Variants in ZBED6 observed in about 807,000 individuals in gnomAD.
ZBED6 encodes the protein zinc finger BED domain-containing protein 6.
ZBED6 carries 40 observed loss-of-function variants against 58.4 expected under a neutral mutation model. That is an observed-to-expected ratio of 0.68 (90% CI 0.53 to 0.89). ZBED6 has a LOEUF of 0.89. ZBED6 is among the 40% of genes least tolerant of loss of function. ZBED6 has a pLI of 0.00. For missense variants in ZBED6, 1,057 were observed against 1,003.9 expected (o/e 1.05, Z -0.71); for synonymous variants, 439 against 350.6 (o/e 1.25, Z -2.82).
chr1:203,835,601 C>T (rs956834187), intron 9 of ZBED6: 4 of 184,750 alleles, frequency 2.2e-5, no homozygotes, highest in Admixed American at 6.1e-5. Flanking sequence ...TGGTGTACAG[C>T]GTCACTCAGA....
intron 14 of ZBED6, 101 bp downstream of exon 14, chr1:203,850,127 A>G: frequency 6.7e-6 from 7 of 1,040,512 alleles, no homozygotes; most frequent in Non-Finnish European, 9.9e-6. Flanking sequence ...GTTGAATTTC[A>G]TTTGCCTTCT....
chr1:203,851,423 G>A (rs943439141), intron 16 of ZBED6, among the ~76,000 whole-genome samples: 6 of 152,064 alleles, frequency 3.9e-5, no homozygotes, highest in South Asian at 2.1e-4. Flanking sequence ...TCCACTTCCC[G>A]GGTTCAAGCA....
rs199808427 is a variant in ZBED6, at chr1:203,847,700, C to T, written c.*4245+13C>T. 5 of 1,609,270 alleles carry T rather than the reference C, an allele frequency of 3.1e-6. No individual in the cohort carries two copies. The highest frequency in any genetic ancestry group is 4.2e-6 in the Non-Finnish European group (5 of 1,178,732). ...ACCAAAAGAACAGGTAACAAGAGAA[C>T]TTGGTCTCTAGTACCACGTCCCCAC... is the stretch of plus-strand genomic sequence containing the variant. On this transcript the variant is annotated intron_variant, in intron 12 of 16. Coordinates refer to ENST00000550078, the Ensembl canonical transcript of ZBED6.
chr1:203,836,455 A>G (rs1434264238), intron 9 of ZBED6, among the ~76,000 whole-genome samples: 4 of 152,194 alleles, frequency 2.6e-5, no homozygotes, highest in African/African-American at 9.7e-5. Context: ...TGAACAGTGT[A>G]ATAAAACTAG....
At chr1:203,815,211 C>CTTTCTTTTTTTTTTTTTT (rs779729339) in intron 1 of ZBED6, among the ~76,000 whole-genome samples, 1 of 59,400 alleles carries the variant, frequency 1.7e-5, no homozygotes, top group Admixed American at 2.6e-4. Flanking sequence ...TCTTCCTTTT[C>CTTTCTTTTTTTTTTTTTT]TTTTCTTTTT....
At chr1:203,844,747 C>A (rs1687416743) in intron 11 of ZBED6, among the ~76,000 whole-genome samples, 1 of 152,074 alleles carries the variant, frequency 6.6e-6, no homozygotes. Context: ...TCTGGGGGCT[C>A]ATACAATTGC....
intron 3 of ZBED6, among the ~76,000 whole-genome samples, chr1:203,823,361 A>G (rs1245747712): frequency 6.6e-6 from 1 of 152,256 alleles, no homozygotes; most frequent in African/African-American, 2.4e-5. Flanking sequence ...GCAGCAATGC[A>G]TGTGTGGTAT....
At chr1:203,846,936 C>T (rs534252162) in intron 11 of ZBED6, among the ~76,000 whole-genome samples, 216 of 151,154 alleles carry the variant, frequency 1.4e-3, no homozygotes, top group Non-Finnish European at 2.5e-3. Flanking sequence ...CCCTGGGAGG[C>T]AGAGGTTGCA....
upstream of ZBED6, chr1:203,795,627 C>G (rs963267762): frequency 6.6e-6 from 1 of 152,212 alleles, no homozygotes; most frequent in African/African-American, 2.4e-5. Context: ...GGCCTTAGAG[C>G]GGAGCCTGTA....
chr1:203,819,833 C>G (rs1014561181), intron 3 of ZBED6, among the ~76,000 whole-genome samples: 1 of 150,942 alleles, frequency 6.6e-6, no homozygotes, highest in Non-Finnish European at 1.5e-5. Flanking sequence ...CGCGCCCAGC[C>G]GACTCCAGCA....
intron 1 of ZBED6, among the ~76,000 whole-genome samples, chr1:203,812,411 TA>T (rs1246265019): frequency 6.6e-6 from 1 of 152,132 alleles, no homozygotes; most frequent in Non-Finnish European, 1.5e-5. Flanking sequence ...TTGCTAAGGA[TA>T]ATAGCCTCTG....
Position 203,842,452 on chromosome 1 carries a change from G to A in ZBED6, c.*3741+2078G>A, listed in dbSNP as rs12077910. Among the ~76,000 whole-genome samples, 668 of 152,200 alleles carry A rather than the reference G, an allele frequency of 4.4e-3. 6 individuals are homozygous for A. Among genetic ancestry groups the A allele is most frequent in the African/African-American group, 0.015 (631 of 41,522 alleles). On this transcript the variant is annotated intron_variant, in intron 11 of 16. Coordinates refer to ENST00000550078, the Ensembl canonical transcript of ZBED6. Reference sequence around the variant, plus strand: ...TCTCCACCAAAACATGCAAACACCAGTCAAGTGTGGCGGCGCGCGCCTGCA... The same window carrying A: ...TCTCCACCAAAACATGCAAACACCAATCAAGTGTGGCGGCGCGCGCCTGCA...
In ZBED6 at chr1:203,819,304, C is replaced by T. The variant is rs190782204; in HGVS notation, c.*2873+615C>T. 6.8e-3 allele frequency among the ~76,000 whole-genome samples: 1,025 copies of T among 150,768 alleles called. 19 individuals carry two copies. Among genetic ancestry groups the T allele is most frequent in the African/African-American group, 0.024 (987 of 41,064 alleles). The stretch of plus-strand genomic sequence containing the variant: ...TGGCGCAATCTCTGCTTACTGCAAC[C>T]TCCACCTCCCAGGTTCAAGCGATTC... On this transcript the variant is annotated intron_variant, in intron 3 of 16. Transcript: ENST00000550078.
chr1:203,835,424 G>A (rs1376109455), intron 9 of ZBED6, among the ~76,000 whole-genome samples: 1 of 152,138 alleles, frequency 6.6e-6, no homozygotes, highest in East Asian at 1.9e-4. Context: ...TACGAAAAAA[G>A]CTTAGAAGAG....
chr1:203,838,139 T>G, intron 10 of ZBED6, 75 bp downstream of exon 10: 2 of 1,342,456 alleles, frequency 1.5e-6, no homozygotes, highest in Non-Finnish European at 2.1e-6. Flanking sequence ...ACAGCTATGG[T>G]TTTTCATTCT....
chr1:203,818,508 T>C (rs945119860), intron 2 of ZBED6, 62 bp from the exon 3 acceptor site: 2 of 1,606,958 alleles, frequency 1.2e-6, no homozygotes, highest in Non-Finnish European at 1.7e-6. Context: ...GCTCTTGTTA[T>C]GGATATTTTA....
intron 9 of ZBED6, among the ~76,000 whole-genome samples, chr1:203,836,621 C>T (rs1684423739): frequency 6.6e-6 from 1 of 152,050 alleles, no homozygotes; most frequent in South Asian, 2.1e-4. Flanking sequence ...ACTAAAAATA[C>T]AAAAATCAGC....
intron 1 of ZBED6, among the ~76,000 whole-genome samples, chr1:203,807,272 A>G (rs1672709585): frequency 6.6e-6 from 1 of 152,150 alleles, no homozygotes; most frequent in African/African-American, 2.4e-5. Context: ...CAGCTGTTTT[A>G]AACATTTTTA....
intron 3 of ZBED6, among the ~76,000 whole-genome samples, chr1:203,819,226 A>C (rs912066534): frequency 5.3e-4 from 65 of 123,806 alleles, no homozygotes; most frequent in Admixed American, 1.8e-3. Flanking sequence ...CTTTCTTTTT[A>C]TTTTTTTTTT....
Sources: gnomAD v4.1 joint callset for allele counts (sites outside exome capture counted in the v4.1 genomes callset) on GRCh38, gnomAD v4.1.1 for gene constraint, MANE v1.5 for transcripts, NCBI Gene and HGNC (gene_info 2026-07-23, HGNC 2026-07-21) for gene names.